Variants in WDR7 observed in about 807,000 individuals in gnomAD.
The protein encoded by WDR7 is WD repeat-containing protein 7.
Under a neutral mutation model 169.4 loss-of-function variants are expected in WDR7, and 46 were observed. That is an observed-to-expected ratio of 0.27 (90% confidence interval 0.21 to 0.35). WDR7 has a LOEUF of 0.35. WDR7 is among the 10% of genes least tolerant of loss of function. WDR7 has a pLI of 1.00. For missense variants in WDR7, 1,534 were observed against 1,859.3 expected, an observed-to-expected ratio of 0.83 and a Z score of 3.22; for synonymous variants, 612 against 666.8, an observed-to-expected ratio of 0.92 and a Z score of 1.27.
rs554469022 is a variant in WDR7 at position 56,801,437 on chromosome 18, C to T, written c.3191-14594C>T. On this transcript the variant is annotated intron_variant, in intron 19 of 27. Coordinates refer to ENST00000254442, the MANE Select transcript of WDR7 (RefSeq NM_015285.3). ...CAGAATCTACAGTTCATCCTGGGTT[C>T]CCTCGGCATTTTGGTTAATTCATTA... Among the ~76,000 whole-genome samples, 7 of 152,234 alleles carry T rather than the reference C, an allele frequency of 4.6e-5. No individual in the cohort carries two copies. In the East Asian group the frequency reaches 1.4e-3, roughly 29 times the overall value.
At chr18:56,932,917 G>C (rs1318067378) in intron 22 of WDR7, among the ~76,000 whole-genome samples, 2 of 151,452 alleles carry the variant, frequency 1.3e-5, no homozygotes, top group African/African-American at 4.9e-5. Flanking sequence ...CTATCTGTCT[G>C]TCTCCCTCTC....
At chr18:56,953,897 G>A (rs2047215538) in intron 25 of WDR7, among the ~76,000 whole-genome samples, 1 of 152,184 alleles carries the variant, frequency 6.6e-6, no homozygotes, top group South Asian at 2.1e-4. Context: ...GTGAATCGCT[G>A]ACTAATGAAT....
At chr18:56,800,912 G>A (rs2044663051) in intron 19 of WDR7, among the ~76,000 whole-genome samples, 1 of 152,140 alleles carries the variant, frequency 6.6e-6, no homozygotes, top group Admixed American at 6.5e-5. Flanking sequence ...TGAGTGCTAG[G>A]TGTTCTTGTT....
intron 3 of WDR7, 117 bp downstream of exon 3, chr18:56,679,555 G>A (rs564607778): frequency 1.1e-4 from 64 of 585,106 alleles, no homozygotes; most frequent in African/African-American, 1.1e-3. Context: ...TAAATGCTTT[G>A]TATTGTCTAA....
In WDR7 at chr18:56,889,639, C is replaced by T. The variant is rs7240978; in HGVS notation, c.3526+9474C>T. Among the ~76,000 whole-genome samples, 819 of 152,276 alleles carry T rather than the reference C, an allele frequency of 5.4e-3. 6 individuals are homozygous for T. Among genetic ancestry groups the T allele is most frequent in the African/African-American group, 0.019 (783 of 41,564 alleles). On this transcript the variant is annotated intron_variant, in intron 21 of 27. Coordinates refer to ENST00000254442, the MANE Select transcript of WDR7 (RefSeq NM_015285.3). ...AAAAAGATTACACTGCTAAAAAGTA[C>T]GAAGCCTGGACTGAAACACCTGTGT...
rs562108511 is a variant in WDR7, at chr18:56,757,172, A to T, written c.2579A>T (p.His860Leu). Residue 860 changes from histidine to leucine, a missense_variant, in exon 15 of 28, where the codon CAT (histidine) becomes CTT (leucine). Transcript: ENST00000254442. The stretch of plus-strand genomic sequence containing the variant: ...AATCAGCCTGCTTGTAAACTGTCAC[A>T]TGGGAAAACAGAAGTAGGAAGGAAG... ...GYNQPACKLSHGKTEVGRKLP... is the reference protein window; with the variant it reads ...GYNQPACKLSLGKTEVGRKLP... 2 of 1,614,040 alleles carry T rather than the reference A, an allele frequency of 1.2e-6. No homozygotes were observed. Among genetic ancestry groups the T allele is most frequent in the East Asian group, 2.2e-5 (1 of 44,870 alleles).
At chr18:56,906,279 C>T (rs2046475263) in intron 21 of WDR7, among the ~76,000 whole-genome samples, 1 of 152,042 alleles carries the variant, frequency 6.6e-6, no homozygotes, top group South Asian at 2.1e-4. Context: ...GATAAAAGAA[C>T]TGATTTCTTC....
intron 26 of WDR7, among the ~76,000 whole-genome samples, chr18:56,976,737 G>C (rs2047571274): frequency 1.3e-5 from 2 of 152,174 alleles, no homozygotes; most frequent in Admixed American, 1.3e-4. Context: ...CTCTTGTCTT[G>C]TTGACCAAAA....
chr18:56,965,369 G>C (rs1463405195), intron 26 of WDR7, among the ~76,000 whole-genome samples: 1 of 151,870 alleles, frequency 6.6e-6, no homozygotes, highest in Admixed American at 6.6e-5. Flanking sequence ...TTGTCATTGT[G>C]AGATTGGTTG....
At chr18:57,001,060 AGAGAGAGAGAGAGAGAGAGAGAGAG>A (rs767357647) in intron 26 of WDR7, among the ~76,000 whole-genome samples, 50,246 of 103,674 alleles carry the variant, frequency 0.48, 9,063 homozygotes, top group Middle Eastern at 0.6. Flanking sequence ...AGAGAGAGAG[AGAGAGAGAGAGAGAGAGAGAGAGAG>A]AGATGTAAGT....
chr18:56,983,252 T>G (rs1250071801), intron 26 of WDR7, among the ~76,000 whole-genome samples: 1 of 152,228 alleles, frequency 6.6e-6, no homozygotes, highest in Non-Finnish European at 1.5e-5. Flanking sequence ...TATTTTTTAC[T>G]AAATACCTTT....
intron 2 of WDR7, among the ~76,000 whole-genome samples, chr18:56,675,173 T>C (rs1221080458): frequency 4.6e-5 from 7 of 152,192 alleles, no homozygotes; most frequent in Non-Finnish European, 1.0e-4. Context: ...ATTGCTCTTC[T>C]TTTTCAAGAT....
intron 20 of WDR7, among the ~76,000 whole-genome samples, chr18:56,825,758 A>C (rs1449418030): frequency 6.6e-6 from 1 of 152,192 alleles, no homozygotes; most frequent in Non-Finnish European, 1.5e-5. Flanking sequence ...TTTTTTGTGT[A>C]GTACAAGGAA....
intron 26 of WDR7, among the ~76,000 whole-genome samples, chr18:56,985,094 T>A (rs2047695468): frequency 6.6e-6 from 1 of 152,174 alleles, no homozygotes; most frequent in South Asian, 2.1e-4. Flanking sequence ...TGATTCAGCC[T>A]TAGAACACCA....
chr18:56,801,508 A>G (rs116175329), intron 19 of WDR7, among the ~76,000 whole-genome samples: 2,615 of 152,318 alleles, frequency 0.017, 68 homozygotes, highest in African/African-American at 0.059. Flanking sequence ...TGTAGCAGAT[A>G]GATCTTTAGG....
intron 19 of WDR7, among the ~76,000 whole-genome samples, chr18:56,806,500 A>G: frequency 6.6e-6 from 1 of 152,116 alleles, no homozygotes; most frequent in Admixed American, 6.6e-5. Flanking sequence ...AGAGGTAAGG[A>G]TGGGGAGGGT....
chr18:56,854,561 T>C (rs2045690031), intron 20 of WDR7, among the ~76,000 whole-genome samples: 2 of 152,318 alleles, frequency 1.3e-5, no homozygotes, highest in East Asian at 1.9e-4. Context: ...TGGACATCCA[T>C]GTATTAATGT....
At chr18:56,802,523 AT>A (rs34077855) in intron 19 of WDR7, among the ~76,000 whole-genome samples, 80,038 of 132,068 alleles carry the variant, frequency 0.61, 24,726 homozygotes, top group East Asian at 0.78. Context: ...ACACCGGCTA[AT>A]TTTTTTTTTT....
At chr18:56,775,089 C>T (rs1047619353) in intron 16 of WDR7, among the ~76,000 whole-genome samples, 7 of 152,210 alleles carry the variant, frequency 4.6e-5, no homozygotes, top group African/African-American at 7.2e-5. Flanking sequence ...ATTAATCCCA[C>T]GACTTATTTG....
Sources: gnomAD v4.1 joint callset for allele counts (sites outside exome capture counted in the v4.1 genomes callset) on GRCh38, gnomAD v4.1.1 for gene constraint, MANE v1.5 for transcripts, NCBI Gene and HGNC (gene_info 2026-07-23, HGNC 2026-07-21) for gene names.